CSMD1: variants seen among roughly 807,000 people sequenced by gnomAD.
CSMD1 encodes the protein CUB and Sushi multiple domains 1, also known as CUB and sushi domain-containing protein 1.
CSMD1 carries 213 observed loss-of-function variants against 417.5 expected under a neutral mutation model. The observed-to-expected ratio is 0.51, with a 90% CI of 0.46 to 0.57. CSMD1 has a LOEUF of 0.57. Ranked by LOEUF, CSMD1 falls within the 20% of genes least tolerant of loss-of-function variation. The pLI is 0.00. For synonymous variants in CSMD1, 2,862 were observed against 1,736.8 expected (o/e 1.65, Z -16.11); for missense variants, 6,923 against 4,529.7 (o/e 1.53, Z -15.17).
rs186384099 is a variant in CSMD1, at chr8:4,207,994, G to T, written c.416-175895C>A. 3.9e-5 allele frequency among the ~76,000 whole-genome samples: 6 copies of T among 152,146 alleles called. No homozygotes were observed. The East Asian group carries it at 1.2e-3, about 29-fold the overall frequency. The stretch of plus-strand genomic sequence containing the variant: ...TTATAGCATGAAATAGTTAAGCAGA[G>T]AAAAGTTTAAAACCTAAAAGTCCAA... On this transcript the variant is annotated intron_variant, in intron 3 of 69. Transcript: ENST00000635120.
intron 30 of CSMD1, among the ~76,000 whole-genome samples, chr8:3,214,081 C>G (rs373332401): frequency 2.6e-5 from 4 of 151,818 alleles, no homozygotes; most frequent in Non-Finnish European, 5.9e-5. Flanking sequence ...CCTAACCTCG[C>G]GATCCACTCG....
chr8:3,742,292 C>T (rs979775913), intron 6 of CSMD1, among the ~76,000 whole-genome samples: 2 of 152,120 alleles, frequency 1.3e-5, no homozygotes, highest in Non-Finnish European at 2.9e-5. Context: ...AACGTTCATA[C>T]AAATGTTTAT....
intron 29 of CSMD1, among the ~76,000 whole-genome samples, chr8:3,217,929 C>T (rs1037910932): frequency 6.6e-6 from 1 of 152,060 alleles, no homozygotes; most frequent in African/African-American, 2.4e-5. Flanking sequence ...AGAAAACCCT[C>T]CTAACTGTGA....
chr8:3,226,086 T>G (rs1312267819), intron 27 of CSMD1, among the ~76,000 whole-genome samples: 1 of 152,186 alleles, frequency 6.6e-6, no homozygotes, highest in African/African-American at 2.4e-5. Flanking sequence ...CATTAAAACA[T>G]TTGAATGTTC....
At chr8:4,544,449 T>G (rs1250575693) in intron 2 of CSMD1, among the ~76,000 whole-genome samples, 1 of 152,162 alleles carries the variant, frequency 6.6e-6, no homozygotes, top group African/African-American at 2.4e-5. Flanking sequence ...ATATGTAGTT[T>G]ACTCTTTCCT....
chr8:3,918,305 T>A (rs1366457264), intron 5 of CSMD1, among the ~76,000 whole-genome samples: 1 of 152,108 alleles, frequency 6.6e-6, no homozygotes, highest in African/African-American at 2.4e-5. Context: ...ACTGAGCCAA[T>A]TTACATTCCT....
chr8:3,766,336 G>C (rs1184826272), intron 5 of CSMD1, among the ~76,000 whole-genome samples: 2 of 152,124 alleles, frequency 1.3e-5, no homozygotes, highest in Non-Finnish European at 2.9e-5. Flanking sequence ...AATCTTGGTT[G>C]CAACAAGCTA....
At chr8:4,185,644 G>C (rs985156734) in intron 3 of CSMD1, among the ~76,000 whole-genome samples, 1 of 152,172 alleles carries the variant, frequency 6.6e-6, no homozygotes, top group Non-Finnish European at 1.5e-5. Flanking sequence ...AATGTAAAAA[G>C]TGACACATTT....
chr8:4,785,243 G>C (rs1287032855), intron 1 of CSMD1, among the ~76,000 whole-genome samples: 1 of 152,202 alleles, frequency 6.6e-6, no homozygotes, highest in Non-Finnish European at 1.5e-5. Context: ...GTCTAGAGCA[G>C]TCATGAGGAG....
At chr8:3,326,149 G>A (rs1445032579) in intron 23 of CSMD1, among the ~76,000 whole-genome samples, 2 of 152,160 alleles carry the variant, frequency 1.3e-5, no homozygotes, top group African/African-American at 4.8e-5. Flanking sequence ...TCAGTGGGAC[G>A]TTCGACAACA....
chr8:4,960,701 T>C (rs1361344083), intron 1 of CSMD1, among the ~76,000 whole-genome samples: 1 of 152,206 alleles, frequency 6.6e-6, no homozygotes, highest in Non-Finnish European at 1.5e-5. Flanking sequence ...TATTTCTTGC[T>C]AGTTTTAGTC....
chr8:3,294,667 A>G (rs532066289), intron 25 of CSMD1, among the ~76,000 whole-genome samples: 1 of 152,244 alleles, frequency 6.6e-6, no homozygotes, highest in Non-Finnish European at 1.5e-5. Flanking sequence ...AGACCATTGG[A>G]AAAGCAAGCC....
Position 3,187,023 on chromosome 8 carries a change from G to A in CSMD1, c.5620+846C>T, listed in dbSNP as rs112244443. ...TCCCAATGTAATGCCGGGCTTACAG[G>A]CATGAGCCACTGCACCTGGCCATAC... On this transcript the variant is annotated intron_variant, in intron 36 of 69. Transcript: ENST00000635120. 1.3e-3 allele frequency among the ~76,000 whole-genome samples: 201 copies of A among 152,290 alleles called. 1 individual carries two copies. The highest frequency in any genetic ancestry group is 4.6e-3 in the African/African-American group (193 of 41,568).
chr8:3,519,704 T>C (rs1221981113), intron 10 of CSMD1, among the ~76,000 whole-genome samples: 1 of 152,118 alleles, frequency 6.6e-6, no homozygotes, highest in Non-Finnish European at 1.5e-5. Flanking sequence ...ATGAATAAAG[T>C]GGTGCACGCT....
rs567361363 is a variant in CSMD1, at chr8:4,787,731, G to C, written c.86-150173C>G. 84 of 1,589,870 alleles carry C rather than the reference G, an allele frequency of 5.3e-5. 1 individual carries two copies. The South Asian group carries it at 9.1e-4, about 17-fold the overall frequency. ...ATGCTGCCAATAATGACCCACAGTG[G>C]TCTGAGGAACAGCTGATTGCTGCAA... On this transcript the variant is annotated intron_variant, in intron 1 of 69. Coordinates refer to ENST00000635120, the MANE Select transcript of CSMD1 (RefSeq NM_033225.6).
chr8:4,973,905 CAA>C (rs2117394078), intron 1 of CSMD1, among the ~76,000 whole-genome samples: 1 of 152,260 alleles, frequency 6.6e-6, no homozygotes, highest in Non-Finnish European at 1.5e-5. Context: ...CATTTTTCTC[CAA>C]AGTCTGTCTG....
chr8:3,871,344 A>T (rs563859634), intron 5 of CSMD1, among the ~76,000 whole-genome samples: 1 of 152,252 alleles, frequency 6.6e-6, no homozygotes, highest in East Asian at 1.9e-4. Context: ...GTTGATATTG[A>T]CAACTATTAT....
intron 1 of CSMD1, among the ~76,000 whole-genome samples, chr8:4,754,408 C>T (rs1811537588): frequency 6.6e-6 from 1 of 152,208 alleles, no homozygotes; most frequent in Admixed American, 6.5e-5. Context: ...CATATCCCAA[C>T]TGGGTCACAT....
chr8:3,567,740 A>G (rs1440986301), intron 10 of CSMD1, among the ~76,000 whole-genome samples: 1 of 152,134 alleles, frequency 6.6e-6, no homozygotes, highest in African/African-American at 2.4e-5. Context: ...ACCTTCCTCC[A>G]CATCCTCTGA....
Sources: allele counts gnomAD v4.1 joint callset (sites outside exome capture counted in the v4.1 genomes callset), GRCh38; gene constraint gnomAD v4.1.1; transcripts MANE v1.5; gene names NCBI Gene and HGNC (gene_info 2026-07-23, HGNC 2026-07-21).